MTA3: variants seen among roughly 807,000 people sequenced by gnomAD.
MTA3 encodes metastasis-associated protein MTA3.
A neutral mutation model predicts 83.5 loss-of-function variants in MTA3; 34 were observed. The ratio of observed to expected loss-of-function variants is 0.41; its 90% confidence interval spans 0.31 to 0.54. The LOEUF (loss-of-function observed/expected upper bound fraction) is 0.54, where lower values mean the gene tolerates loss of function less well. Among genes scored for constraint, MTA3 ranks in the 20% least tolerant of loss-of-function variants. The pLI, the probability that MTA3 is intolerant of heterozygous loss-of-function variation, is 0.33. For synonymous variants in MTA3, 303 were observed against 252.7 expected (o/e 1.20, Z -1.89); for missense variants, 761 against 726.4 (o/e 1.05, Z -0.55).
chr2:42,689,143 T>A (rs1692656819), intron 9 of MTA3, among the ~76,000 whole-genome samples: 1 of 152,208 alleles, frequency 6.6e-6, no homozygotes, highest in Non-Finnish European at 1.5e-5. Flanking sequence ...ATTGATTAAT[T>A]TATGATTGTT....
At chr2:42,748,201 T>TTGTGTG (rs61339061) in intron 16 of MTA3, among the ~76,000 whole-genome samples, 14,384 of 137,396 alleles carry the variant, frequency 0.1, 783 homozygotes, top group Middle Eastern at 0.21. Context: ...GCTAATGTGT[T>TTGTGTG]TGTGTGTGTG....
At chr2:42,616,687 T>C (rs539307148) in intron 4 of MTA3, among the ~76,000 whole-genome samples, 1 of 145,570 alleles carries the variant, frequency 6.9e-6, no homozygotes, top group Admixed American at 7.1e-5. Context: ...GAGATGATGC[T>C]CCCACCTTAG....
intron 8 of MTA3, among the ~76,000 whole-genome samples, chr2:42,669,226 A>G (rs1431386114): frequency 1.3e-5 from 2 of 151,782 alleles, no homozygotes; most frequent in Non-Finnish European, 2.9e-5. Context: ...CTGGAATTAC[A>G]AGCACCCCTG....
At chr2:42,665,157 T>C (rs1690118443) in intron 8 of MTA3, among the ~76,000 whole-genome samples, 1 of 152,194 alleles carries the variant, frequency 6.6e-6, no homozygotes, top group Non-Finnish European at 1.5e-5. Flanking sequence ...CCTAGCACTT[T>C]GGGAGGCCAA....
intron 16 of MTA3, among the ~76,000 whole-genome samples, chr2:42,732,705 C>T (rs1397147773): frequency 6.6e-6 from 1 of 152,176 alleles, no homozygotes; most frequent in Admixed American, 6.6e-5. Context: ...AACTTTTATG[C>T]TGTTTCCCTT....
At chr2:42,714,215 G>A (rs1487420488) in intron 14 of MTA3, among the ~76,000 whole-genome samples, 2 of 151,994 alleles carry the variant, frequency 1.3e-5, no homozygotes, top group African/African-American at 4.8e-5. Flanking sequence ...TTTTGCCCGT[G>A]GCCTGTTTTC....
In MTA3 at chr2:42,586,678, G is replaced by A. The variant is rs527751842; in HGVS notation, c.190+7478G>A. 1.4e-4 allele frequency among the ~76,000 whole-genome samples: 21 copies of A among 151,842 alleles called. 1 individual carries two copies. Among genetic ancestry groups the A allele is most frequent in the African/African-American group, 4.1e-4 (17 of 41,430 alleles). ...TTCCAGCACTTTGGGGGCCCGAGACGGGTAGATCACTTGAGGCCAGGACCA... is the reference window on the plus strand; with the variant it reads ...TTCCAGCACTTTGGGGGCCCGAGACAGGTAGATCACTTGAGGCCAGGACCA... On this transcript the variant is annotated intron_variant, in intron 3 of 16. Coordinates refer to ENST00000405094, the MANE Select transcript of MTA3 (RefSeq NM_001330442.2).
At chr2:42,659,897 C>T (rs2104371749) in intron 8 of MTA3, 35 bp downstream of exon 8, 2 of 1,501,304 alleles carry the variant, frequency 1.3e-6, no homozygotes, top group Non-Finnish European at 9.1e-7. Flanking sequence ...GGGTATTTAT[C>T]CTTCTGTTAC....
At chr2:42,740,203 A>C (rs1450308887) in intron 16 of MTA3, among the ~76,000 whole-genome samples, 1 of 152,264 alleles carries the variant, frequency 6.6e-6, no homozygotes, top group Non-Finnish European at 1.5e-5. Flanking sequence ...TTCCTGAATA[A>C]GACTTGAAAG....
At chr2:42,645,198 A>G (rs1406415650) in intron 6 of MTA3, among the ~76,000 whole-genome samples, 1 of 150,178 alleles carries the variant, frequency 6.7e-6, no homozygotes, top group East Asian at 1.9e-4. Flanking sequence ...AAAAAAAAAA[A>G]GCTACACCAG....
At position 42,514,682 on chromosome 2, in the gene MTA3, C is replaced by CTTTTTTTTTTTTTTTTTTT. The variant is rs767598363; in HGVS notation, c.-141+19435_-141+19453dup. Among the ~76,000 whole-genome samples, 108 of 53,482 alleles carry CTTTTTTTTTTTTTTTTTTT rather than the reference C, an allele frequency of 2.0e-3. 24 individuals carry two copies. Among genetic ancestry groups the CTTTTTTTTTTTTTTTTTTT allele is most frequent in the Admixed American group, 3.4e-3 (10 of 2,972 alleles). 35.1% of individuals were successfully genotyped at this position (53,482 alleles called of 152,430 possible). On this transcript the variant is annotated intron_variant, in intron 2 of 17. Coordinates refer to the MTA3 transcript ENST00000405592. ...GATTACAGGCATGAGCGCCCAGCCC[C>CTTTTTTTTTTTTTTTTTTT]TTTTTTTTTTTTTTTTTTTTTTTTT...
chr2:42,526,826 C>T (rs1216827143), intron 2 of MTA3, among the ~76,000 whole-genome samples: 1 of 151,906 alleles, frequency 6.6e-6, no homozygotes, highest in Non-Finnish European at 1.5e-5. Context: ...GAGGCCAAGG[C>T]GGGCAGATCA....
chr2:42,652,217 G>A (rs574389912), intron 6 of MTA3, among the ~76,000 whole-genome samples: 1 of 152,182 alleles, frequency 6.6e-6, no homozygotes, highest in African/African-American at 2.4e-5. Context: ...CCTTCAGAAA[G>A]GTGTAGCTTG....
chr2:42,718,888 T>G, intron 14 of MTA3, 100 bp from the exon 15 acceptor site: 1 of 849,318 alleles, frequency 1.2e-6, no homozygotes, highest in Non-Finnish European at 1.8e-6. Flanking sequence ...GGTGGCTATT[T>G]TGTACTGTTT....
chr2:42,607,320 C>A (rs1027058600), intron 3 of MTA3, among the ~76,000 whole-genome samples: 1 of 152,104 alleles, frequency 6.6e-6, no homozygotes, highest in African/African-American at 2.4e-5. Flanking sequence ...AGGAGTCTCC[C>A]GCTGGAGATT....
intron 16 of MTA3, among the ~76,000 whole-genome samples, chr2:42,724,486 C>T (rs886703511): frequency 6.6e-6 from 1 of 151,922 alleles, no homozygotes; most frequent in African/African-American, 2.4e-5. Context: ...CCTGTCTCTA[C>T]AAAAAGTTTA....
At chr2:42,725,045 TG>T (rs1049215432) in intron 16 of MTA3, among the ~76,000 whole-genome samples, 2 of 152,208 alleles carry the variant, frequency 1.3e-5, no homozygotes, top group Non-Finnish European at 2.9e-5. Context: ...GACCCATTTG[TG>T]TTTGCTCTGC....
chr2:42,605,284 C>A (rs1573209145), intron 3 of MTA3, among the ~76,000 whole-genome samples: 4 of 72,008 alleles, frequency 5.6e-5, no homozygotes, highest in Non-Finnish European at 1.1e-4. Flanking sequence ...CACCTCCCTC[C>A]CGGACGGGGC....
chr2:42,659,715 C>A, intron 7 of MTA3, 48 bp from the exon 8 acceptor site: 1 of 1,370,554 alleles, frequency 7.3e-7, no homozygotes. Flanking sequence ...AAAAAACAAA[C>A]CAAAACAGAT....
Sources: gnomAD v4.1 joint callset for allele counts (sites outside exome capture counted in the v4.1 genomes callset) on GRCh38, gnomAD v4.1.1 for gene constraint, MANE v1.5 for transcripts, NCBI Gene and HGNC (gene_info 2026-07-23, HGNC 2026-07-21) for gene names.